FAM149A: variants seen among roughly 807,000 people sequenced by gnomAD.
FAM149A encodes the protein family with sequence similarity 149 member A.
Under a neutral mutation model 78.2 loss-of-function variants are expected in FAM149A, and 71 were observed. That is an observed-to-expected ratio of 0.91 (90% confidence interval 0.75 to 1.11). The LOEUF is 1.11. Ranked by LOEUF, FAM149A falls within the 50% of genes least tolerant of loss-of-function variation. FAM149A has a pLI of 0.00. For missense variants in FAM149A, 1,036 were observed against 971.0 expected (o/e 1.07, Z -0.89); for synonymous variants, 446 against 410.5 (o/e 1.09, Z -1.04).
chr4:186,125,639 A>G (rs2099317990), intron 1 of FAM149A: 3 of 902,000 alleles, frequency 3.3e-6, no homozygotes, highest in Non-Finnish European at 4.0e-6. Context: ...TTTAAGTGAG[A>G]TCATTCCCAT....
intron 1 of FAM149A, chr4:186,116,344 C>G (rs1164641174): frequency 2.5e-6 from 1 of 405,776 alleles, no homozygotes; most frequent in Non-Finnish European, 3.3e-6. Context: ...ATGCAGAAAT[C>G]ACCCGTCTTC....
At chr4:186,119,272 T>C (rs1391909833) in intron 1 of FAM149A, among the ~76,000 whole-genome samples, 2 of 152,230 alleles carry the variant, frequency 1.3e-5, no homozygotes, top group Non-Finnish European at 2.9e-5. Context: ...TACTACGTAG[T>C]ACTCGTCAAG....
chr4:186,169,249 A>G, intron 13 of FAM149A: 1 of 984,356 alleles, frequency 1.0e-6, no homozygotes, highest in Non-Finnish European at 1.2e-6. Context: ...ATTATAAAAA[A>G]TAATACATTA....
chr4:186,161,938 A>G (rs761553391), intron 8 of FAM149A, among the ~76,000 whole-genome samples: 1 of 152,226 alleles, frequency 6.6e-6, no homozygotes, highest in Non-Finnish European at 1.5e-5. Context: ...TCTGGGATAC[A>G]TGTGCAGAAT....
intron 1 of FAM149A, among the ~76,000 whole-genome samples, chr4:186,120,933 A>G (rs1579793453): frequency 7.8e-6 from 1 of 128,182 alleles, no homozygotes; most frequent in Non-Finnish European, 1.6e-5. Flanking sequence ...GGCTCGCTGC[A>G]AGCTCCGCCT....
At chr4:186,145,486 A>T (rs876332) in intron 1 of FAM149A, among the ~76,000 whole-genome samples, 60,982 of 151,980 alleles carry the variant, frequency 0.4, 12,504 homozygotes, top group East Asian at 0.51. Flanking sequence ...GGAATAGAAA[A>T]TTTTGAAAGC....
At position 186,144,876 on chromosome 4, in the gene FAM149A, C is replaced by T; in HGVS notation, c.567-4297C>T. The stretch of plus-strand genomic sequence containing the variant: ...TGGAGAGGGAAGGGGCGTGCGAGCC[C>T]CGCGGACCCCGGGCGCGCCCGGGCC... On this transcript the variant is annotated intron_variant, in intron 1 of 13. Coordinates refer to ENST00000389354, the MANE Select transcript of FAM149A (RefSeq NM_001367768.3). This position sits in a 1 kb window ranked among gnomAD's most constrained non-coding sequence, Gnocchi z 4.2. The T allele has an allele frequency of 1.0e-6, 1 of 975,256 alleles. No homozygotes were observed. The highest frequency in any genetic ancestry group is 1.2e-6 in the Non-Finnish European group (1 of 826,764). 60.4% of individuals were successfully genotyped at this position (975,256 alleles called of 1,614,324 possible). A position where few individuals can be genotyped will look rare whatever the true frequency, so the allele number is the denominator to read the frequency against.
At chr4:186,154,691 G>A in intron 6 of FAM149A, 53 bp downstream of exon 6, 1 of 1,530,868 alleles carries the variant, frequency 6.5e-7, no homozygotes, top group Non-Finnish European at 8.8e-7. Context: ...TAATTTATTT[G>A]ACATTTATTG....
At chr4:186,120,793 C>CAAAAA (rs555497937) in intron 1 of FAM149A, among the ~76,000 whole-genome samples, 2 of 66,080 alleles carry the variant, frequency 3.0e-5, no homozygotes, top group South Asian at 6.9e-4. Flanking sequence ...GACTCCATCT[C>CAAAAA]AAAAAAAAAA....
At chr4:186,159,198 C>T (rs1452137452) in intron 8 of FAM149A, among the ~76,000 whole-genome samples, 1 of 151,502 alleles carries the variant, frequency 6.6e-6, no homozygotes, top group African/African-American at 2.4e-5. Flanking sequence ...CCTAGTGATA[C>T]AAAAGCCGTG....
intron 1 of FAM149A, chr4:186,146,532 T>TC (rs1733050861): frequency 2.8e-5 from 27 of 981,038 alleles, no homozygotes; most frequent in Non-Finnish European, 3.3e-5. Flanking sequence ...TTCCACCCTT[T>TC]CCCCTGAAAA....
chr4:186,122,955 A>T, intron 1 of FAM149A: 1 of 189,758 alleles, frequency 5.3e-6, no homozygotes, highest in Non-Finnish European at 9.8e-6. Context: ...TAGAATTTCA[A>T]GCCTTCAGAG....
intron 1 of FAM149A, chr4:186,145,026 G>T: frequency 1.9e-5 from 19 of 981,392 alleles, no homozygotes; most frequent in Non-Finnish European, 2.3e-5. Context: ...GGGCCCGCGC[G>T]CGGTGCCTCT....
At chr4:186,158,666 C>A (rs568118769) in intron 8 of FAM149A, 2 of 1,086,202 alleles carry the variant, frequency 1.8e-6, no homozygotes, top group African/African-American at 3.4e-5. Context: ...GGAGACCCAG[C>A]CCCTGCACGC....
chr4:186,110,715 G>T (rs1446475724), intron 1 of FAM149A, among the ~76,000 whole-genome samples: 43 of 137,666 alleles, frequency 3.1e-4, no homozygotes, highest in African/African-American at 1.2e-3. Context: ...CCCTACAAAG[G>T]ACATGAACTC....
chr4:186,140,315 T>G (rs1013898918), intron 1 of FAM149A, among the ~76,000 whole-genome samples: 9 of 152,200 alleles, frequency 5.9e-5, no homozygotes, highest in African/African-American at 2.2e-4. Flanking sequence ...TTTTATTTTT[T>G]GAGACAGTGT....
intron 9 of FAM149A, 34 bp from the exon 10 acceptor site, chr4:186,163,390 C>G (rs754475944): frequency 6.4e-7 from 1 of 1,567,476 alleles, no homozygotes; most frequent in Non-Finnish European, 8.8e-7. Context: ...TCACAGCACT[C>G]GCAGCTGAGT....
In FAM149A at chr4:186,108,888, C is replaced by T. The variant is rs1016600910; in HGVS notation, c.566+3246C>T. Among the ~76,000 whole-genome samples, 4 of 151,184 alleles carry T rather than the reference C, an allele frequency of 2.6e-5. No homozygotes were observed. In the South Asian group the frequency reaches 8.4e-4, roughly 32 times the overall value. ...TTTGAGACGGAGTCTTGCTCTGTCG[C>T]CCAGGCTGGAGTGCAGTGGCGCGAT... On this transcript the variant is annotated intron_variant, in intron 1 of 13. Coordinates refer to ENST00000389354, the MANE Select transcript of FAM149A (RefSeq NM_001367768.3).
In FAM149A at chr4:186,144,680, C is replaced by G; in HGVS notation, c.567-4493C>G. ...AGTGGCCGCTGGGTTGGAAACCCGGCCCGGCAGGGAGCGGGGAAGGCGCGC... is the reference window on the plus strand; with the variant it reads ...AGTGGCCGCTGGGTTGGAAACCCGGGCCGGCAGGGAGCGGGGAAGGCGCGC... On this transcript the variant is annotated intron_variant, in intron 1 of 13. Transcript: ENST00000389354. This position sits in a 1 kb window ranked among gnomAD's most constrained non-coding sequence, Gnocchi z 4.2. 1 of 460,706 alleles carries G rather than the reference C, an allele frequency of 2.2e-6. No homozygotes were observed. The highest frequency in any genetic ancestry group is 2.9e-6 in the Non-Finnish European group (1 of 349,442). The allele number at this position is 460,706 out of a possible 1,614,324, so 28.5% of individuals were successfully genotyped here.
Sources: allele counts gnomAD v4.1 joint callset (sites outside exome capture counted in the v4.1 genomes callset), GRCh38; gene constraint gnomAD v4.1.1; non-coding constraint Gnocchi (gnomAD v3.1); transcripts MANE v1.5; gene names NCBI Gene and HGNC (gene_info 2026-07-23, HGNC 2026-07-21).